Variants in PALM2AKAP2 observed in about 807,000 individuals in gnomAD.
The protein encoded by PALM2AKAP2 is PALM2 and AKAP2 fusion, also known as PALM2-AKAP2 fusion protein.
PALM2AKAP2 carries 37 observed loss-of-function variants against 71.5 expected under a neutral mutation model. The ratio of observed to expected loss-of-function variants is 0.52; its 90% CI spans 0.40 to 0.68. The LOEUF is 0.68. Among genes scored for constraint, PALM2AKAP2 ranks in the 30% least tolerant of loss-of-function variants. The pLI, the probability that PALM2AKAP2 is intolerant of heterozygous loss-of-function variation, is 0.00. For missense variants in PALM2AKAP2, 1,224 were observed against 1,191.8 expected (o/e 1.03, Z -0.40); for synonymous variants, 468 against 478.8 (o/e 0.98, Z 0.29).
At chr9:110,091,629 A>ATT (rs367820957) in intron 1 of PALM2AKAP2, among the ~76,000 whole-genome samples, 3 of 151,368 alleles carry the variant, frequency 2.0e-5, no homozygotes, top group Non-Finnish European at 4.4e-5. Context: ...CACCCGGCTA[A>ATT]TTTTTTGTAT....
intron 2 of PALM2AKAP2, among the ~76,000 whole-genome samples, chr9:110,152,502 G>A (rs1292744876): frequency 4.6e-5 from 7 of 152,114 alleles, no homozygotes; most frequent in Non-Finnish European, 1.5e-5. Context: ...GTCTAATGGG[G>A]CATGTCCTCT....
intron 6 of PALM2AKAP2, among the ~76,000 whole-genome samples, chr9:110,007,395 A>G (rs1832805275): frequency 6.6e-6 from 1 of 152,216 alleles, no homozygotes. Flanking sequence ...AGCATCTTGT[A>G]TCTCTCAAAA....
chr9:109,815,217 T>G (rs569077658), intron 1 of PALM2AKAP2, among the ~76,000 whole-genome samples: 1 of 152,116 alleles, frequency 6.6e-6, no homozygotes, highest in African/African-American at 2.4e-5. Context: ...GTTTCCAGCA[T>G]AGACAAGGGG....
At chr9:109,755,564 C>A (rs1264961157) in intron 1 of PALM2AKAP2, among the ~76,000 whole-genome samples, 1 of 152,066 alleles carries the variant, frequency 6.6e-6, no homozygotes, top group Non-Finnish European at 1.5e-5. Context: ...GTGGGAAGAT[C>A]ATTTGAACCC....
intron 1 of PALM2AKAP2, among the ~76,000 whole-genome samples, chr9:110,101,283 G>T (rs4978869): frequency 0.15 from 22,450 of 152,008 alleles, 1,733 homozygotes; most frequent in Middle Eastern, 0.19. Flanking sequence ...TTTGCTGTGT[G>T]TGTTTGGGGT....
At chr9:110,070,428 A>T (rs1588090018) in intron 1 of PALM2AKAP2, among the ~76,000 whole-genome samples, 2 of 152,190 alleles carry the variant, frequency 1.3e-5, no homozygotes, top group South Asian at 4.1e-4. Flanking sequence ...TTAAAAACTA[A>T]AAAGTTTTAG....
At chr9:109,933,862 G>C (rs570075717) in intron 6 of PALM2AKAP2, among the ~76,000 whole-genome samples, 2 of 152,320 alleles carry the variant, frequency 1.3e-5, no homozygotes, top group East Asian at 3.9e-4. Flanking sequence ...TAGGGAATGG[G>C]ATGTTCAGAT....
chr9:109,955,643 C>CT (rs61082297), intron 6 of PALM2AKAP2, among the ~76,000 whole-genome samples: 2 of 151,950 alleles, frequency 1.3e-5, no homozygotes, highest in Non-Finnish European at 1.5e-5. Flanking sequence ...GTATTGTCCA[C>CT]TTTTTTTATC....
chr9:109,798,994 C>G (rs1290470865), intron 1 of PALM2AKAP2, among the ~76,000 whole-genome samples: 1 of 152,176 alleles, frequency 6.6e-6, no homozygotes, highest in Non-Finnish European at 1.5e-5. Flanking sequence ...GTTGTGCGGA[C>G]CATGCAACCC....
intron 1 of PALM2AKAP2, among the ~76,000 whole-genome samples, chr9:109,699,253 A>T (rs1457008632): frequency 6.6e-6 from 1 of 152,244 alleles, no homozygotes; most frequent in Non-Finnish European, 1.5e-5. Flanking sequence ...GCAAGAATGT[A>T]GTTGAAAAGA....
chr9:109,667,782 GACCCTGTCTCAC>G (rs1485794013), intron 1 of PALM2AKAP2, among the ~76,000 whole-genome samples: 1 of 152,128 alleles, frequency 6.6e-6, no homozygotes, highest in Non-Finnish European at 1.5e-5. Flanking sequence ...ATTGGAGTGA[GACCCTGTCTCAC>G]ACAAATAGCA....
At chr9:109,893,808 C>T (rs1038095408) in intron 3 of PALM2AKAP2, among the ~76,000 whole-genome samples, 2 of 152,004 alleles carry the variant, frequency 1.3e-5, no homozygotes, top group African/African-American at 4.8e-5. Flanking sequence ...ACACGTGGTG[C>T]GGACAACAAA....
At chr9:109,801,262 C>T (rs989103420) in intron 1 of PALM2AKAP2, among the ~76,000 whole-genome samples, 2 of 152,062 alleles carry the variant, frequency 1.3e-5, no homozygotes, top group African/African-American at 4.8e-5. Context: ...GAAGATACCC[C>T]CAGGGATAGT....
intron 1 of PALM2AKAP2, among the ~76,000 whole-genome samples, chr9:109,821,466 G>T (rs939085400): frequency 1.3e-5 from 2 of 152,136 alleles, no homozygotes; most frequent in Non-Finnish European, 2.9e-5. Context: ...AGCTACTGGG[G>T]TCTACCTCAT....
chr9:110,014,067 T>C (rs540819733), intron 6 of PALM2AKAP2, among the ~76,000 whole-genome samples: 1 of 152,316 alleles, frequency 6.6e-6, no homozygotes, highest in African/African-American at 2.4e-5. Context: ...AGAAATGCTA[T>C]GAACTCAAAG....
intron 3 of PALM2AKAP2, among the ~76,000 whole-genome samples, chr9:109,886,619 AC>A (rs1393683001): frequency 2.6e-5 from 4 of 152,144 alleles, no homozygotes; most frequent in Non-Finnish European, 5.9e-5. Flanking sequence ...TTGCTGTGTG[AC>A]CTTGGGCAAG....
intron 1 of PALM2AKAP2, among the ~76,000 whole-genome samples, chr9:109,661,876 C>T (rs957827416): frequency 2.6e-5 from 4 of 152,076 alleles, no homozygotes; most frequent in Non-Finnish European, 4.4e-5. Context: ...TGAAGAGGTC[C>T]TTCACATCCC....
chr9:109,880,673 CA>C lies in PALM2AKAP2; in HGVS notation c.250del (p.Ile84PhefsTer11), dbSNP rs773032725. 2 of 1,613,734 alleles carry C rather than the reference CA, an allele frequency of 1.2e-6. No individual in the cohort carries two copies. Among genetic ancestry groups the C allele is most frequent in the Non-Finnish European group, 1.7e-6 (2 of 1,179,870 alleles). The stretch of plus-strand genomic sequence containing the variant: ...TCAGAGTCAAGCAACTTGAAGATAA[CA>C]TTCAGAGGTAGGTGGCTTCCAGCCC... On this transcript the variant is annotated frameshift_variant, in exon 3 of 10. Transcript: ENST00000302798. LOFTEE classifies it high-confidence loss of function.
chr9:110,021,192 G>A (rs191294707), intron 7 of PALM2AKAP2, among the ~76,000 whole-genome samples: 1 of 152,264 alleles, frequency 6.6e-6, no homozygotes, highest in Admixed American at 6.5e-5. Flanking sequence ...CCTTATAAGA[G>A]ACAAAAGAGG....
Sources: allele counts gnomAD v4.1 joint callset (sites outside exome capture counted in the v4.1 genomes callset), GRCh38; gene constraint gnomAD v4.1.1; transcripts MANE v1.5; gene names NCBI Gene and HGNC (gene_info 2026-07-23, HGNC 2026-07-21).